The following AKAP10 variants were observed in gnomAD, a reference collection of about 807,000 sequenced individuals.
The protein encoded by AKAP10 is A-kinase anchor protein 10, mitochondrial.
AKAP10 carries 24 observed loss-of-function variants against 80.8 expected under a neutral mutation model. The observed-to-expected ratio is 0.30, with a 90% CI of 0.22 to 0.42. AKAP10 has a LOEUF of 0.42. AKAP10 is among the 10% of genes least tolerant of loss of function. The pLI, the probability that AKAP10 is intolerant of heterozygous loss-of-function variation, is 1.00. For missense variants in AKAP10, 661 were observed against 794.9 expected (o/e 0.83, Z 2.03); for synonymous variants, 291 against 277.7 (o/e 1.05, Z -0.48).
intron 1 of AKAP10, 140 bp downstream of exon 1, chr17:19,977,452 G>T: frequency 1.8e-6 from 1 of 554,978 alleles, no homozygotes; most frequent in Non-Finnish European, 2.7e-6. Flanking sequence ...GCAGAGCAAG[G>T]CACTCAGGGG....
At chr17:19,949,248 TAAAC>T (rs2043170734) in intron 4 of AKAP10, among the ~76,000 whole-genome samples, 2 of 151,562 alleles carry the variant, frequency 1.3e-5, no homozygotes, top group South Asian at 4.2e-4. Context: ...AAAAACATAA[TAAAC>T]AAAATTTAAA....
At chr17:19,961,902 G>A (rs1371794116) in intron 3 of AKAP10, among the ~76,000 whole-genome samples, 1 of 152,016 alleles carries the variant, frequency 6.6e-6, no homozygotes, top group Non-Finnish European at 1.5e-5. Context: ...AATTGCTTGA[G>A]GCCAGGAGTT....
At chr17:19,977,091 C>T (rs2043578111) in intron 1 of AKAP10, among the ~76,000 whole-genome samples, 2 of 152,272 alleles carry the variant, frequency 1.3e-5, no homozygotes, top group South Asian at 4.1e-4. Flanking sequence ...GGAACTTTAG[C>T]AATAAGTAAT....
chr17:19,909,893 CAG>C (rs1420809003), intron 13 of AKAP10, 31 bp downstream of exon 13: 5 of 1,605,570 alleles, frequency 3.1e-6, no homozygotes, highest in Admixed American at 3.4e-5. Flanking sequence ...CACTTATAAA[CAG>C]AAATCTTTTT....
Position 19,977,658 on chromosome 17 carries a change from G to A in AKAP10, c.22C>T (p.Pro8Ser). Residue 8 changes from proline to serine, a missense_variant, in exon 1 of 15, where the codon CCG becomes TCG. Pro to Ser is a moderately conservative substitution (Grantham distance 74). Coordinates refer to ENST00000225737, the MANE Select transcript of AKAP10 (RefSeq NM_007202.4). ...CGGAGGGTGCGGGGGGACTGGCGCG[G>A]GGAGGGCCCGGCTCCCCTCATTCAG... is the stretch of plus-strand genomic sequence containing the variant. The part of the protein sequence containing the change: MRGAGPS[P>S]RQSPRTLRPD... The A allele has an allele frequency of 6.5e-6, 8 of 1,235,364 alleles. No homozygotes were observed. Among genetic ancestry groups the A allele is most frequent in the Non-Finnish European group, 7.1e-6 (7 of 987,736 alleles). The allele number at this position is 1,235,364 out of a possible 1,614,324, so 76.5% of individuals were successfully genotyped here. A position where few individuals can be genotyped will look rare whatever the true frequency, so the allele number is the denominator to read the frequency against.
chr17:19,938,216 C>T (rs958497352), intron 8 of AKAP10, among the ~76,000 whole-genome samples: 5 of 147,308 alleles, frequency 3.4e-5, no homozygotes, highest in Middle Eastern at 3.5e-3. Context: ...TGTGAGCCAC[C>T]GGTACCCAGA....
chr17:19,948,589 G>A (rs1376521888), intron 4 of AKAP10, among the ~76,000 whole-genome samples: 2 of 152,094 alleles, frequency 1.3e-5, no homozygotes, highest in East Asian at 3.9e-4. Flanking sequence ...CATAGCTACA[G>A]GAAGTGTGCT....
At chr17:19,941,032 A>G in intron 6 of AKAP10, 22 bp from the exon 7 acceptor site, 1 of 1,586,312 alleles carries the variant, frequency 6.3e-7, no homozygotes, top group Non-Finnish European at 8.5e-7. Flanking sequence ...CAAAAGGGAA[A>G]ATTTGAGGGA....
intron 1 of AKAP10, among the ~76,000 whole-genome samples, chr17:19,970,832 A>AATAAAT (rs1567779132): frequency 6.6e-6 from 1 of 151,394 alleles, no homozygotes; most frequent in African/African-American, 2.4e-5. Context: ...TAAAAAAAAA[A>AATAAAT]AAATAAATAA....
At chr17:19,941,242 A>AC (rs1384076055) in intron 6 of AKAP10, among the ~76,000 whole-genome samples, 1 of 152,196 alleles carries the variant, frequency 6.6e-6, no homozygotes, top group Non-Finnish European at 1.5e-5. Context: ...ATATTACAGT[A>AC]ACCAAACAAC....
At chr17:19,977,492 A>C (rs2043585624) in intron 1 of AKAP10, 100 bp downstream of exon 1, 1 of 932,488 alleles carries the variant, frequency 1.1e-6, no homozygotes, top group Non-Finnish European at 1.4e-6. Context: ...GGCTCGCTGA[A>C]GGCCTTGCTG....
In AKAP10 at chr17:19,962,065, A is replaced by G. The variant is rs78314378; in HGVS notation, c.319+775T>C. Among the ~76,000 whole-genome samples, 402 of 152,202 alleles carry G rather than the reference A, an allele frequency of 2.6e-3. 15 individuals carry two copies. In the East Asian group the frequency reaches 0.074, roughly 28 times the overall value. On this transcript the variant is annotated intron_variant, in intron 3 of 14. Coordinates refer to ENST00000225737, the MANE Select transcript of AKAP10 (RefSeq NM_007202.4). The stretch of plus-strand genomic sequence containing the variant: ...CAGGAGGTGAAGGCTGCAGTGAACC[A>G]TGATCATACCACTGCACTCCAGCCT...
rs1400692415 is a variant in AKAP10, at chr17:19,958,549, C to T, written c.342G>A (p.Gln114=). Residue 114 remains glutamine, a synonymous_variant, in exon 4 of 15, where the codon CAG becomes CAA. Coordinates refer to ENST00000225737, the MANE Select transcript of AKAP10 (RefSeq NM_007202.4). ...GDLGRSCLDY[Q]TQETKSSLSK... is the part of the protein sequence containing the mutation. ...AAAGGCTTGATTTGGTCTCTTGAGT[C>T]TGGTAGTCCAGACAAGATCTGCCTA... The T allele has an allele frequency of 1.9e-6, 3 of 1,603,562 alleles. No individual in the cohort carries two copies. The highest frequency in any genetic ancestry group is 1.7e-5 in the Admixed American group (1 of 59,692).
At chr17:19,906,806 A>G (rs2042635826) in intron 14 of AKAP10, among the ~76,000 whole-genome samples, 1 of 152,206 alleles carries the variant, frequency 6.6e-6, no homozygotes, top group South Asian at 2.1e-4. Flanking sequence ...CACAGGATAA[A>G]GAGAATGAGT....
intron 10 of AKAP10, among the ~76,000 whole-genome samples, chr17:19,930,870 C>G (rs1038346341): frequency 6.6e-6 from 1 of 152,098 alleles, no homozygotes; most frequent in Non-Finnish European, 1.5e-5. Context: ...GCCACCATAA[C>G]CAGCTAATTT....
At chr17:19,911,835 C>CAAAAAAAAAAAAAAAAAAAAA (rs71157844) in intron 12 of AKAP10, among the ~76,000 whole-genome samples, 4 of 54,984 alleles carry the variant, frequency 7.3e-5, no homozygotes, top group African/African-American at 1.0e-4. Context: ...AACTCTGTCA[C>CAAAAAAAAAAAAAAAAAAAAA]AAAAAAAAAA....
intron 1 of AKAP10, among the ~76,000 whole-genome samples, chr17:19,973,131 C>T (rs1416320846): frequency 6.6e-6 from 1 of 152,100 alleles, no homozygotes; most frequent in African/African-American, 2.4e-5. Flanking sequence ...AGACACCCAC[C>T]ACCATGCCCA....
At chr17:19,957,655 T>A (rs910596203) in intron 4 of AKAP10, among the ~76,000 whole-genome samples, 5 of 152,190 alleles carry the variant, frequency 3.3e-5, no homozygotes, top group South Asian at 2.1e-4. Context: ...TTTTTAAAAA[T>A]TTTTTAAAAA....
chr17:19,935,033 A>G (rs2042977907), intron 9 of AKAP10, among the ~76,000 whole-genome samples: 1 of 152,040 alleles, frequency 6.6e-6, no homozygotes, highest in South Asian at 2.1e-4. Context: ...CAATCAATCA[A>G]TCAATAAACA....
Sources: allele counts gnomAD v4.1 joint callset (sites outside exome capture counted in the v4.1 genomes callset), GRCh38; gene constraint gnomAD v4.1.1; transcripts MANE v1.5; gene names NCBI Gene and HGNC (gene_info 2026-07-23, HGNC 2026-07-21).